The following GPC5 variants were observed in gnomAD, a reference collection of about 807,000 sequenced individuals.
GPC5 encodes glypican-5.
Under a neutral mutation model 53.9 loss-of-function variants are expected in GPC5, and 47 were observed. The observed-to-expected ratio is 0.87, with a 90% CI of 0.69 to 1.11. The LOEUF is 1.11. Among genes scored for constraint, GPC5 ranks in the 50% most tolerant of loss-of-function variants. The pLI is 0.00. For missense variants in GPC5, 748 were observed against 713.1 expected (o/e 1.05, Z -0.56); for synonymous variants, 286 against 263.3 (o/e 1.09, Z -0.84).
intron 6 of GPC5, among the ~76,000 whole-genome samples, chr13:91,946,553 G>A (rs2039976128): frequency 6.6e-6 from 1 of 151,944 alleles, no homozygotes; most frequent in Non-Finnish European, 1.5e-5. Context: ...TTTCTTTTTT[G>A]GTAATCAATT....
chr13:92,581,098 C>G (rs1883353150), intron 7 of GPC5, among the ~76,000 whole-genome samples: 1 of 152,114 alleles, frequency 6.6e-6, no homozygotes, highest in African/African-American at 2.4e-5. Context: ...AATCTACTCT[C>G]TTAGCAATTT....
In GPC5 at chr13:92,347,918, T is replaced by TA. The variant is rs1408304245; in HGVS notation, c.1561+202930dup. On this transcript the variant is annotated intron_variant, in intron 7 of 7. Coordinates refer to ENST00000377067, the MANE Select transcript of GPC5 (RefSeq NM_004466.6). ...ATATATATAATATATATATAATATA[T>TA]ATATATTATATATACATCTTATATG... is the stretch of plus-strand genomic sequence containing the variant. Among the ~76,000 whole-genome samples the TA allele has an allele frequency of 4.9e-4, 9 of 18,296 alleles. 1 individual carries two copies. The highest frequency in any genetic ancestry group is 1.7e-3 in the African/African-American group (2 of 1,174). The allele number at this position is 18,296 out of a possible 152,430, so 12.0% of individuals were successfully genotyped here. A position where few individuals can be genotyped will look rare whatever the true frequency, so the allele number is the denominator to read the frequency against.
intron 1 of GPC5, among the ~76,000 whole-genome samples, chr13:91,417,610 G>C (rs979481907): frequency 6.6e-6 from 1 of 152,172 alleles, no homozygotes; most frequent in African/African-American, 2.4e-5. Context: ...AGGGACTTCT[G>C]GCAGGAGTTG....
intron 7 of GPC5, among the ~76,000 whole-genome samples, chr13:92,645,855 T>TG (rs1236528372): frequency 2.6e-5 from 4 of 151,968 alleles, no homozygotes; most frequent in African/African-American, 7.2e-5. Context: ...TTTTACCTAA[T>TG]TTTTTTAACC....
chr13:92,157,519 A>G (rs1346408775), intron 7 of GPC5, among the ~76,000 whole-genome samples: 1 of 152,162 alleles, frequency 6.6e-6, no homozygotes, highest in African/African-American at 2.4e-5. Flanking sequence ...GAAAAAGAGA[A>G]TCCTGGCTTT....
intron 5 of GPC5, among the ~76,000 whole-genome samples, chr13:91,824,937 T>C (rs2038553230): frequency 6.6e-6 from 1 of 152,160 alleles, no homozygotes; most frequent in Non-Finnish European, 1.5e-5. Flanking sequence ...ATTTCTATCA[T>C]TCTGTTTTGT....
At chr13:92,056,757 T>A (rs2041077659) in intron 6 of GPC5, among the ~76,000 whole-genome samples, 1 of 152,218 alleles carries the variant, frequency 6.6e-6, no homozygotes, top group Non-Finnish European at 1.5e-5. Flanking sequence ...TTCATTTTTA[T>A]AGGTTTATAT....
intron 7 of GPC5, among the ~76,000 whole-genome samples, chr13:92,375,474 A>C (rs746163824): frequency 7.9e-4 from 121 of 152,360 alleles, no homozygotes; most frequent in Non-Finnish European, 1.7e-3. Context: ...ACATACAATA[A>C]GTAAAACCTC....
intron 7 of GPC5, among the ~76,000 whole-genome samples, chr13:92,432,406 C>T (rs1877132246): frequency 6.8e-6 from 1 of 146,176 alleles, no homozygotes; most frequent in Non-Finnish European, 1.5e-5. Context: ...GCTCTGTCAC[C>T]CAGGCTGGAA....
chr13:91,556,952 C>T (rs949273388), intron 2 of GPC5, among the ~76,000 whole-genome samples: 6 of 151,912 alleles, frequency 3.9e-5, no homozygotes, highest in Non-Finnish European at 8.8e-5. Context: ...ACCACCTGTT[C>T]CCCCCAAAAC....
chr13:91,816,253 T>G (rs749144297), intron 5 of GPC5, among the ~76,000 whole-genome samples: 10 of 152,180 alleles, frequency 6.6e-5, no homozygotes, highest in Non-Finnish European at 1.3e-4. Context: ...TTGTTCAAAA[T>G]TGTATACTGT....
chr13:92,260,591 C>T (rs2042759263), intron 7 of GPC5, among the ~76,000 whole-genome samples: 1 of 152,118 alleles, frequency 6.6e-6, no homozygotes. Context: ...GGCTTCTGCT[C>T]ATCTGTCATC....
At chr13:91,580,449 G>T (rs531097480) in intron 2 of GPC5, among the ~76,000 whole-genome samples, 3 of 152,262 alleles carry the variant, frequency 2.0e-5, no homozygotes, top group East Asian at 3.9e-4. Flanking sequence ...TTTCTTGAAT[G>T]AAATTTTTAG....
chr13:91,818,177 G>A (rs1004292019), intron 5 of GPC5, among the ~76,000 whole-genome samples: 2 of 152,030 alleles, frequency 1.3e-5, no homozygotes, highest in African/African-American at 4.8e-5. Flanking sequence ...AGTTGCAGTT[G>A]GTACGAAAAT....
chr13:91,710,061 C>T (rs1594461947), intron 3 of GPC5, among the ~76,000 whole-genome samples: 1 of 152,182 alleles, frequency 6.6e-6, no homozygotes, highest in East Asian at 1.9e-4. Context: ...TTCAGCCATT[C>T]ATCTTAACCC....
chr13:92,798,116 A>G (rs1035298963), intron 7 of GPC5, among the ~76,000 whole-genome samples: 1 of 151,938 alleles, frequency 6.6e-6, no homozygotes, highest in African/African-American at 2.4e-5. Flanking sequence ...AGCATGCTGA[A>G]AATGACGAGA....
At chr13:91,495,115 T>C (rs1182803345) in intron 2 of GPC5, among the ~76,000 whole-genome samples, 1 of 152,172 alleles carries the variant, frequency 6.6e-6, no homozygotes, top group African/African-American at 2.4e-5. Flanking sequence ...TTAATGGGAA[T>C]TCTATTCTGA....
chr13:92,547,341 A>T (rs1219621319), intron 7 of GPC5, among the ~76,000 whole-genome samples: 2 of 152,240 alleles, frequency 1.3e-5, no homozygotes, highest in African/African-American at 4.8e-5. Context: ...CTGCAAAGAA[A>T]GACTTTATCT....
intron 6 of GPC5, among the ~76,000 whole-genome samples, chr13:92,049,849 A>C (rs1352601398): frequency 6.6e-6 from 1 of 152,094 alleles, no homozygotes; most frequent in Non-Finnish European, 1.5e-5. Context: ...GAAGAAATCT[A>C]AAAATGAGAT....
Sources: allele counts gnomAD v4.1 joint callset (sites outside exome capture counted in the v4.1 genomes callset), GRCh38; gene constraint gnomAD v4.1.1; transcripts MANE v1.5; gene names NCBI Gene and HGNC (gene_info 2026-07-23, HGNC 2026-07-21).